Variants in CNTN5 observed in about 807,000 individuals in gnomAD.
CNTN5 encodes the protein contactin-5.
In CNTN5, 77 loss-of-function variants were observed where a neutral mutation model predicts 129.1. The ratio of observed to expected loss-of-function variants is 0.60; its 90% CI spans 0.50 to 0.72. CNTN5 has a LOEUF of 0.72. Ranked by LOEUF, CNTN5 falls within the 30% of genes least tolerant of loss-of-function variation. CNTN5 has a pLI of 0.00. For missense variants in CNTN5, 1,478 were observed against 1,328.8 expected (o/e 1.11, Z -1.75); for synonymous variants, 509 against 465.6 (o/e 1.09, Z -1.20).
At chr11:99,198,514 G>A (rs1327505149) in intron 1 of CNTN5, among the ~76,000 whole-genome samples, 3 of 151,916 alleles carry the variant, frequency 2.0e-5, no homozygotes, top group South Asian at 2.1e-4. Flanking sequence ...CTCTAACCAC[G>A]TTCATTGATA....
At chr11:99,245,532 G>A (rs1861772471) in intron 1 of CNTN5, among the ~76,000 whole-genome samples, 1 of 151,974 alleles carries the variant, frequency 6.6e-6, no homozygotes, top group Non-Finnish European at 1.5e-5. Flanking sequence ...TGTTGGCCAG[G>A]CTGATCTTGA....
intron 2 of CNTN5, among the ~76,000 whole-genome samples, chr11:99,367,153 A>T (rs1282698072): frequency 6.6e-6 from 1 of 152,174 alleles, no homozygotes; most frequent in Non-Finnish European, 1.5e-5. Flanking sequence ...TAGCACAGTG[A>T]GGAGACAAAT....
chr11:99,150,669 A>T (rs1860010011), intron 1 of CNTN5, among the ~76,000 whole-genome samples: 1 of 152,084 alleles, frequency 6.6e-6, no homozygotes, highest in African/African-American at 2.4e-5. Context: ...TAAAATATGA[A>T]AAAGATAAAG....
At chr11:100,236,922 G>T (rs940212217) in intron 16 of CNTN5, among the ~76,000 whole-genome samples, 1 of 152,162 alleles carries the variant, frequency 6.6e-6, no homozygotes, top group Non-Finnish European at 1.5e-5. Context: ...GGGCGCGGTG[G>T]CTCACGCCTG....
intron 8 of CNTN5, among the ~76,000 whole-genome samples, chr11:99,990,613 C>T (rs972489929): frequency 2.0e-5 from 3 of 151,924 alleles, no homozygotes; most frequent in African/African-American, 7.3e-5. Context: ...TATGTCAGAA[C>T]ATTCTTCAGT....
chr11:100,311,752 T>C (rs2138932278), intron 21 of CNTN5, among the ~76,000 whole-genome samples: 1 of 152,110 alleles, frequency 6.6e-6, no homozygotes, highest in Non-Finnish European at 1.5e-5. Flanking sequence ...GATTGCCAGA[T>C]GGATTCAGCA....
At chr11:99,702,718 T>C (rs1219542530) in intron 3 of CNTN5, among the ~76,000 whole-genome samples, 1 of 150,960 alleles carries the variant, frequency 6.6e-6, no homozygotes, top group Non-Finnish European at 1.5e-5. Context: ...TCTTGTGTCT[T>C]TATATCCAAG....
chr11:99,851,783 A>G (rs1031024811), intron 6 of CNTN5, among the ~76,000 whole-genome samples: 3 of 152,226 alleles, frequency 2.0e-5, no homozygotes, highest in African/African-American at 7.2e-5. Context: ...GAGAGATTAT[A>G]TGACTTTTTA....
intron 4 of CNTN5, 36 bp from the exon 5 acceptor site, chr11:99,844,815 TA>T (rs1947629651): frequency 1.9e-6 from 3 of 1,578,498 alleles, no homozygotes; most frequent in Middle Eastern, 1.7e-4. Flanking sequence ...CTTGCTAGTT[TA>T]AGGAAATTTA....
At chr11:99,636,792 AT>A (rs1196993055) in intron 3 of CNTN5, among the ~76,000 whole-genome samples, 22 of 90,852 alleles carry the variant, frequency 2.4e-4, no homozygotes, top group Admixed American at 2.7e-4. Context: ...AGGTGGGGGG[AT>A]GGACGAGATC....
chr11:100,225,444 T>C (rs1482192423), intron 16 of CNTN5: 1 of 152,128 alleles, frequency 6.6e-6, no homozygotes, highest in African/African-American at 2.4e-5. Flanking sequence ...TTCCACAGTA[T>C]GGGAAATAGA....
chr11:99,337,894 T>C (rs908775664), intron 2 of CNTN5, among the ~76,000 whole-genome samples: 2 of 152,164 alleles, frequency 1.3e-5, no homozygotes, highest in Admixed American at 6.5e-5. Context: ...AGAATAAATC[T>C]GTACTAAATG....
intron 13 of CNTN5, among the ~76,000 whole-genome samples, chr11:100,092,723 G>A (rs536609466): frequency 6.6e-6 from 1 of 152,194 alleles, no homozygotes; most frequent in East Asian, 1.9e-4. Flanking sequence ...CCCATACTGA[G>A]ATCAATGCTT....
chr11:99,482,461 A>G (rs750343224), intron 2 of CNTN5, among the ~76,000 whole-genome samples: 6 of 152,186 alleles, frequency 3.9e-5, no homozygotes, highest in Admixed American at 2.0e-4. Context: ...TTAAACTTAA[A>G]TTTCAAAAAC....
At chr11:99,490,035 G>T (rs749021357) in intron 2 of CNTN5, among the ~76,000 whole-genome samples, 1 of 152,056 alleles carries the variant, frequency 6.6e-6, no homozygotes, top group Non-Finnish European at 1.5e-5. Context: ...ATTCAGACAC[G>T]TTATTTCACT....
chr11:99,085,486 G>A (rs979238597), intron 1 of CNTN5, among the ~76,000 whole-genome samples: 3 of 150,948 alleles, frequency 2.0e-5, no homozygotes, highest in Non-Finnish European at 4.4e-5. Flanking sequence ...ACTTTTTGGT[G>A]CCTTGTAAGA....
chr11:99,525,429 T>C (rs1216500554), intron 2 of CNTN5, among the ~76,000 whole-genome samples: 3 of 152,184 alleles, frequency 2.0e-5, no homozygotes, highest in African/African-American at 7.2e-5. Flanking sequence ...AGTGCACAGA[T>C]GAATAGATTA....
chr11:99,035,587 T>G (rs568005981), intron 1 of CNTN5, among the ~76,000 whole-genome samples: 182 of 146,238 alleles, frequency 1.2e-3, no homozygotes, highest in African/African-American at 4.3e-3. Context: ...AGACTAGGAT[T>G]GCAACCCCTG....
chr11:99,584,205 G>C (rs1253178083), intron 3 of CNTN5, among the ~76,000 whole-genome samples: 1 of 151,960 alleles, frequency 6.6e-6, no homozygotes, highest in South Asian at 2.1e-4. Flanking sequence ...TTCCCTTTTG[G>C]GGGACAAAGT....
Sources: gnomAD v4.1 joint callset for allele counts (sites outside exome capture counted in the v4.1 genomes callset) on GRCh38, gnomAD v4.1.1 for gene constraint, MANE v1.5 for transcripts, NCBI Gene and HGNC (gene_info 2026-07-23, HGNC 2026-07-21) for gene names.